TAF1: variants seen among roughly 807,000 people sequenced by gnomAD.
The protein encoded by TAF1 is transcription initiation factor TFIID subunit 1.
A neutral mutation model predicts 138.5 loss-of-function variants in TAF1; 2 were observed. The observed-to-expected ratio is 0.01, with a 90% CI of 0.01 to 0.05. TAF1 has a LOEUF of 0.05. TAF1 is among the 10% of genes least tolerant of loss of function. The pLI is 1.00. For missense variants in TAF1, 709 were observed against 1,478.0 expected (o/e 0.48, Z 8.53); for synonymous variants, 437 against 503.2 (o/e 0.87, Z 1.76).
intron 13 of TAF1, among the ~76,000 whole-genome samples, chrX:71,509,531 A>G (rs917603847): frequency 3.4e-4 from 38 of 111,070 alleles, no homozygotes; most frequent in African/African-American, 1.1e-3. Flanking sequence ...GGGTATTATT[A>G]TTATTATTTT....
chrX:71,508,606 G>GAAAAA (rs1298001093), intron 13 of TAF1, among the ~76,000 whole-genome samples: 1 of 38,480 alleles, frequency 2.6e-5, no homozygotes, highest in Admixed American at 3.7e-4. Flanking sequence ...CCCTGTCTCT[G>GAAAAA]AAAAAAAAAA....
chrX:71,433,138 G>A (rs895764062), intron 32 of TAF1, among the ~76,000 whole-genome samples: 4 of 112,411 alleles, frequency 3.6e-5, no homozygotes, highest in South Asian at 3.6e-4. Flanking sequence ...GCTGTGATAA[G>A]AAAGTAGAAT....
At chrX:71,463,686 A>G in intron 37 of TAF1, 138 bp from the exon 38 acceptor site, 1 of 552,571 alleles carries the variant, frequency 1.8e-6, no homozygotes, top group South Asian at 3.0e-5. Context: ...TCTCAGGGAC[A>G]TGTAGAATAG....
intron 32 of TAF1, among the ~76,000 whole-genome samples, chrX:71,446,221 CTATTT>C (rs1186505100): frequency 1.7e-4 from 19 of 111,206 alleles, no homozygotes; most frequent in African/African-American, 5.6e-4. Context: ...TAGTTGTTCA[CTATTT>C]TATATTTTAT....
At chrX:71,404,261 C>T (rs1017730971) in intron 25 of TAF1, among the ~76,000 whole-genome samples, 2 of 110,896 alleles carry the variant, frequency 1.8e-5, no homozygotes, top group African/African-American at 3.3e-5. Context: ...CGTGAGCCAC[C>T]GCGCCCAGCC....
chrX:71,388,117 T>C (rs763510559), intron 15 of TAF1, 120 bp from the exon 16 acceptor site: 25 of 1,009,389 alleles, frequency 2.5e-5, no homozygotes, highest in Non-Finnish European at 3.3e-5. Context: ...GTAGGCTGTG[T>C]GGGTTTGGGA....
intron 18 of TAF1, among the ~76,000 whole-genome samples, chrX:71,390,379 A>AT (rs1359247412): frequency 9.0e-6 from 1 of 110,835 alleles, no homozygotes; most frequent in African/African-American, 3.3e-5. Context: ...CTACTGAGAT[A>AT]TTTTTTCTCC....
At chrX:71,442,513 T>A (rs2037480059) in intron 32 of TAF1, among the ~76,000 whole-genome samples, 1 of 112,331 alleles carries the variant, frequency 8.9e-6, no homozygotes, top group Non-Finnish European at 1.9e-5. Context: ...GATGGGGTTG[T>A]TTGATTTTTT....
At chrX:71,511,273 A>G (rs2039727127) in intron 13 of TAF1, among the ~76,000 whole-genome samples, 1 of 111,964 alleles carries the variant, frequency 8.9e-6, no homozygotes, top group African/African-American at 3.2e-5. Context: ...CTCTAAAAAG[A>G]AAAAACTTTT....
intron 13 of TAF1, chrX:71,527,947 G>T (rs766306628): frequency 1.1e-4 from 16 of 144,459 alleles, no homozygotes; most frequent in Non-Finnish European, 1.5e-4. Flanking sequence ...ATGAATTGTA[G>T]TATTGGATTG....
At chrX:71,382,512 A>G in intron 9 of TAF1, 24 bp from the exon 10 acceptor site, 1 of 1,200,702 alleles carries the variant, frequency 8.3e-7, no homozygotes. Flanking sequence ...AGAGCAACTC[A>G]AGTGATTTTT....
chrX:71,407,896 G>GGT, intron 27 of TAF1, 78 bp from the exon 28 acceptor site: 1 of 1,130,953 alleles, frequency 8.8e-7, no homozygotes, highest in Non-Finnish European at 1.2e-6. Flanking sequence ...CAGGTAGATA[G>GGT]GTAAGATGTG....
intron 13 of TAF1, among the ~76,000 whole-genome samples, chrX:71,489,909 C>T (rs182079401): frequency 1.8e-5 from 2 of 111,637 alleles, no homozygotes; most frequent in Non-Finnish European, 3.8e-5. Context: ...TTCTAAAATT[C>T]AGTTGTTGCC....
chrX:71,404,548 G>A (rs957904134), intron 25 of TAF1, among the ~76,000 whole-genome samples: 2 of 110,368 alleles, frequency 1.8e-5, no homozygotes, highest in African/African-American at 6.6e-5. Flanking sequence ...TGTTGGTCAG[G>A]CTGGTCTCGA....
intron 32 of TAF1, chrX:71,441,642 G>A (rs1281324636): frequency 6.6e-6 from 2 of 301,504 alleles, no homozygotes; most frequent in African/African-American, 5.7e-5. Flanking sequence ...CGGCGCTATA[G>A]AACACTAGAA....
chrX:71,519,444 T>C (rs1048898487), intron 13 of TAF1, among the ~76,000 whole-genome samples: 1 of 103,565 alleles, frequency 9.7e-6, no homozygotes, highest in Non-Finnish European at 2.0e-5. Flanking sequence ...AAAAGGATGT[T>C]TATCCTGGCT....
At chrX:71,407,865 A>AT in intron 27 of TAF1, 109 bp from the exon 28 acceptor site, 2 of 1,048,407 alleles carry the variant, frequency 1.9e-6, no homozygotes, top group East Asian at 6.1e-5. Context: ...ATCTAGAAAG[A>AT]TTCCTTTCAG....
intron 17 of TAF1, among the ~76,000 whole-genome samples, chrX:71,389,253 G>T (rs28382173): frequency 1.6e-3 from 175 of 111,895 alleles, no homozygotes; most frequent in African/African-American, 5.3e-3. Context: ...GAGAAGCACA[G>T]AATTCTTATA....
intron 32 of TAF1, among the ~76,000 whole-genome samples, chrX:71,434,741 G>A (rs1171754579): frequency 8.9e-6 from 1 of 112,132 alleles, no homozygotes; most frequent in Non-Finnish European, 1.9e-5. Flanking sequence ...CTCTGTTCAT[G>A]TTTAAATAGC....
Sources: allele counts gnomAD v4.1 joint callset (sites outside exome capture counted in the v4.1 genomes callset), GRCh38; gene constraint gnomAD v4.1.1; transcripts MANE v1.5; gene names NCBI Gene and HGNC (gene_info 2026-07-23, HGNC 2026-07-21).